CYP20A1: variants seen among roughly 807,000 people sequenced by gnomAD.
CYP20A1 encodes the protein cytochrome P450 family 20 subfamily A member 1.
Under a neutral mutation model 61.4 loss-of-function variants are expected in CYP20A1, and 61 were observed. That is an observed-to-expected ratio of 0.99 (90% CI 0.81 to 1.23). The LOEUF is 1.23. Among genes scored for constraint, CYP20A1 ranks in the 50% most tolerant of loss-of-function variants. CYP20A1 has a pLI of 0.00. For synonymous variants in CYP20A1, 193 were observed against 188.2 expected, an observed-to-expected ratio of 1.03 and a Z score of -0.21; for missense variants, 530 against 542.4, an observed-to-expected ratio of 0.98 and a Z score of 0.23.
At chr2:203,261,605 T>TAAA (rs36092540) in intron 4 of CYP20A1, among the ~76,000 whole-genome samples, 8 of 74,360 alleles carry the variant, frequency 1.1e-4, no homozygotes, top group African/African-American at 2.1e-4. Flanking sequence ...CTTTGTCACC[T>TAAA]AAAAAAAAAA....
chr2:203,275,580 C>T (rs996783946), intron 6 of CYP20A1, among the ~76,000 whole-genome samples: 4 of 152,024 alleles, frequency 2.6e-5, no homozygotes, highest in South Asian at 2.1e-4. Flanking sequence ...GCTGGGATTA[C>T]AGACGCCTGC....
At chr2:203,247,220 C>T (rs1475333669) in intron 3 of CYP20A1, among the ~76,000 whole-genome samples, 1 of 151,910 alleles carries the variant, frequency 6.6e-6, no homozygotes, top group African/African-American at 2.4e-5. Context: ...AAGATTGTGC[C>T]ACTGTACTCC....
intron 6 of CYP20A1, 66 bp downstream of exon 6, chr2:203,272,814 A>G: frequency 1.1e-6 from 1 of 941,612 alleles, no homozygotes; most frequent in Non-Finnish European, 1.6e-6. Context: ...TAATAAAGTA[A>G]TCTCTGAATA....
intron 1 of CYP20A1, among the ~76,000 whole-genome samples, chr2:203,241,578 A>C (rs1332414630): frequency 2.6e-5 from 4 of 152,240 alleles, no homozygotes; most frequent in African/African-American, 9.6e-5. Context: ...CAGATGTTTT[A>C]AGCAGAAGAG....
intron 4 of CYP20A1, among the ~76,000 whole-genome samples, chr2:203,264,233 C>T (rs1308856537): frequency 6.6e-6 from 1 of 152,054 alleles, no homozygotes; most frequent in Non-Finnish European, 1.5e-5. Context: ...ACAGTCCTCC[C>T]ACTTTAGCCT....
In CYP20A1 at chr2:203,289,808, C is replaced by T; in HGVS notation, c.1015C>T (p.Leu339=). The change falls in exon 10 of 13, where the codon CTG becomes TTG. Residue 339 remains leucine (L), a synonymous_variant. Transcript: ENST00000356079. ...VLCETVRTAK[L]TPVSAQLQDI... is the part of the protein sequence containing the mutation. ...TTGTGAAACTGTTCGAACTGCCAAA[C>T]TGACTCCAGTTTCTGCCCAGCTTCA... is the stretch of plus-strand genomic sequence containing the variant. The T allele has an allele frequency of 6.2e-7, 1 of 1,600,796 alleles. No homozygotes were observed. Among genetic ancestry groups the T allele is most frequent in the Middle Eastern group, 1.7e-4 (1 of 6,014 alleles).
intron 10 of CYP20A1, among the ~76,000 whole-genome samples, chr2:203,291,399 GA>G (rs2152110033): frequency 6.6e-6 from 1 of 152,290 alleles, no homozygotes; most frequent in East Asian, 1.9e-4. Context: ...AACAATGTAT[GA>G]GAATGTTTTT....
chr2:203,296,946 G>T lies in CYP20A1; in HGVS notation c.*38G>T. ...TTAAAATCATTGTTAAATTGATTGA[G>T]GAAAACAACCATTTAAAAAAAATCT... is the stretch of plus-strand genomic sequence containing the variant. On this transcript the variant is annotated 3_prime_UTR_variant, in exon 13 of 13. Coordinates refer to ENST00000356079, the MANE Select transcript of CYP20A1 (RefSeq NM_177538.3). 1 of 1,226,780 alleles carries T rather than the reference G, an allele frequency of 8.2e-7. No individual in the cohort carries two copies. Among genetic ancestry groups the T allele is most frequent in the Non-Finnish European group, 1.1e-6 (1 of 885,736 alleles). 76.0% of individuals were successfully genotyped at this position (1,226,780 alleles called of 1,614,324 possible).
chr2:203,252,154 A>G lies in CYP20A1; in HGVS notation c.432+45A>G, dbSNP rs779735488. On this transcript the variant is annotated intron_variant, in intron 4 of 12. Transcript: ENST00000356079. ...GGTCTAGTGTTCTACAACATAAATA[A>G]TAGTATTTATTTTTTGAGTATTGGT... 8.9e-6 allele frequency: 13 copies of G among 1,454,718 alleles called. No individual in the cohort carries two copies. In the African/African-American group the frequency reaches 1.8e-4, roughly 21 times the overall value. The allele number at this position is 1,454,718 out of a possible 1,614,324, so 90.1% of individuals were successfully genotyped here.
intron 4 of CYP20A1, among the ~76,000 whole-genome samples, chr2:203,261,482 GA>G (rs1204891362): frequency 6.8e-6 from 1 of 147,586 alleles, no homozygotes; most frequent in African/African-American, 2.5e-5. Context: ...AGGAGGATGG[GA>G]GGATCCCTTG....
intron 2 of CYP20A1, among the ~76,000 whole-genome samples, chr2:203,246,526 T>C (rs185330264): frequency 3.7e-4 from 57 of 152,328 alleles, no homozygotes; most frequent in African/African-American, 1.3e-3. Context: ...CTTTCTTATT[T>C]GGTTTGAAGT....
intron 4 of CYP20A1, among the ~76,000 whole-genome samples, chr2:203,254,947 C>T (rs933705410): frequency 2.0e-5 from 3 of 151,340 alleles, no homozygotes; most frequent in Admixed American, 6.6e-5. Context: ...GCCAAGATTG[C>T]GCCACTGCAC....
intron 1 of CYP20A1, among the ~76,000 whole-genome samples, chr2:203,244,935 T>C (rs1392347843): frequency 6.6e-6 from 1 of 151,768 alleles, no homozygotes; most frequent in Non-Finnish European, 1.5e-5. Flanking sequence ...GGTTTCACCG[T>C]GTTAGCCAGG....
chr2:203,245,574 A>G (rs1010366187), intron 1 of CYP20A1, among the ~76,000 whole-genome samples: 17 of 152,120 alleles, frequency 1.1e-4, no homozygotes, highest in African/African-American at 3.9e-4. Flanking sequence ...GCCCCCACTT[A>G]TAAGTGAGAA....
chr2:203,277,081 G>T (rs531605352), intron 6 of CYP20A1, among the ~76,000 whole-genome samples: 1 of 152,278 alleles, frequency 6.6e-6, no homozygotes, highest in South Asian at 2.1e-4. Flanking sequence ...GGGCGTGGTG[G>T]CTCATGCCTG....
At position 203,242,817 on chromosome 2, in the gene CYP20A1, G is replaced by C. The variant is rs900086817; in HGVS notation, c.73-3029G>C. 3.4e-4 allele frequency among the ~76,000 whole-genome samples: 51 copies of C among 151,738 alleles called. 1 individual carries two copies. The highest frequency in any genetic ancestry group is 1.1e-3 in the African/African-American group (46 of 41,418). On this transcript the variant is annotated intron_variant, in intron 1 of 12. Transcript: ENST00000356079. ...AAAAAAAAAAAAGCTTAGGTTGCAT[G>C]GTCTGTTACTATAACCACTCCTTTG...
intron 4 of CYP20A1, among the ~76,000 whole-genome samples, chr2:203,258,005 G>GCTCAAGTGCAGTGGCACAATTATAGCTCA (rs1455916330): frequency 1.3e-5 from 2 of 151,870 alleles, no homozygotes; most frequent in Non-Finnish European, 2.9e-5. Flanking sequence ...GGGCTGAAGG[G>GCTCAAGTGCAGTGGCACAATTATAGCTCA]ATCCTCCTGC....
At chr2:203,275,684 C>T (rs2067790221) in intron 6 of CYP20A1, among the ~76,000 whole-genome samples, 1 of 152,198 alleles carries the variant, frequency 6.6e-6, no homozygotes, top group Non-Finnish European at 1.5e-5. Context: ...AAGTGATCCA[C>T]CCACCTCGGC....
In CYP20A1 at chr2:203,304,301, G is replaced by A. The variant is rs1405235398; in HGVS notation, c.*7393G>A. On this transcript the variant is annotated 3_prime_UTR_variant, in exon 13 of 13. Coordinates refer to ENST00000356079, the MANE Select transcript of CYP20A1 (RefSeq NM_177538.3). ...CAACCTCCATCTCCCCAGTTCAAGC[G>A]ATTCTCCTGCCTCAGCCTCCCGAGT... 6.6e-6 allele frequency among the ~76,000 whole-genome samples: 1 copy of A among 151,876 alleles called. No homozygotes were observed. Among genetic ancestry groups the A allele is most frequent in the African/African-American group, 2.4e-5 (1 of 41,380 alleles).
Sources: gnomAD v4.1 joint callset for allele counts (sites outside exome capture counted in the v4.1 genomes callset) on GRCh38, gnomAD v4.1.1 for gene constraint, MANE v1.5 for transcripts, NCBI Gene and HGNC (gene_info 2026-07-23, HGNC 2026-07-21) for gene names.